Variants in CFAP47 observed in about 807,000 individuals in gnomAD.
CFAP47 encodes the protein cilia and flagella associated protein 47, also known as cilia- and flagella-associated protein 47.
CFAP47 carries 29 observed loss-of-function variants against 148.1 expected under a neutral mutation model. That is an observed-to-expected ratio of 0.20 (90% CI 0.15 to 0.27). The LOEUF is 0.27. CFAP47 is among the 10% of genes least tolerant of loss of function. The pLI is 1.00. For missense variants in CFAP47, 1,872 were observed against 1,697.5 expected (o/e 1.10, Z -1.81); for synonymous variants, 664 against 577.3 (o/e 1.15, Z -2.15).
chrX:36,138,946 G>C (rs1375490295), intron 35 of CFAP47, among the ~76,000 whole-genome samples: 1 of 111,051 alleles, frequency 9.0e-6, no homozygotes, highest in Non-Finnish European at 1.9e-5. Context: ...TTCACATCAA[G>C]ACCTCAATAG....
At chrX:36,337,475 A>C (rs1301808862) in intron 57 of CFAP47, among the ~76,000 whole-genome samples, 1 of 111,689 alleles carries the variant, frequency 9.0e-6, no homozygotes, top group African/African-American at 3.3e-5. Flanking sequence ...AGGTAGAGAA[A>C]TAGGTAAAAT....
chrX:36,349,182 C>A (rs1378461965), intron 58 of CFAP47, among the ~76,000 whole-genome samples: 3 of 111,893 alleles, frequency 2.7e-5, no homozygotes, highest in Admixed American at 1.9e-4. Flanking sequence ...GCCCCATGCT[C>A]AACCTGTCTT....
intron 33 of CFAP47, among the ~76,000 whole-genome samples, chrX:36,108,721 C>T (rs1169535257): frequency 1.8e-5 from 2 of 110,690 alleles, no homozygotes; most frequent in African/African-American, 6.6e-5. Context: ...ACCTTATAAC[C>T]ATAACTCTTT....
At chrX:36,183,074 C>A (rs1939768509) in intron 40 of CFAP47, among the ~76,000 whole-genome samples, 1 of 112,492 alleles carries the variant, frequency 8.9e-6, no homozygotes, top group Non-Finnish European at 1.9e-5. Context: ...CTTTGGGAGG[C>A]TGAGGTGGAC....
At chrX:36,202,272 T>C (rs938541639) in intron 44 of CFAP47, among the ~76,000 whole-genome samples, 4 of 111,535 alleles carry the variant, frequency 3.6e-5, no homozygotes, top group Non-Finnish European at 5.6e-5. Context: ...GCGATTGTTG[T>C]AAACGCAAGC....
intron 21 of CFAP47, among the ~76,000 whole-genome samples, chrX:36,004,014 C>T (rs763525329): frequency 2.0e-5 from 2 of 98,436 alleles, no homozygotes; most frequent in South Asian, 1.0e-3. Context: ...ACTCTGTCAC[C>T]CAGGTTGGAG....
At chrX:36,243,338 A>T (rs1203416128) in intron 48 of CFAP47, among the ~76,000 whole-genome samples, 2 of 109,801 alleles carry the variant, frequency 1.8e-5, no homozygotes, top group African/African-American at 6.6e-5. Context: ...ATCAGTACTG[A>T]CCCTAAATGT....
chrX:36,278,482 C>T (rs1941042198), intron 49 of CFAP47, among the ~76,000 whole-genome samples: 1 of 112,499 alleles, frequency 8.9e-6, no homozygotes, highest in Non-Finnish European at 1.9e-5. Flanking sequence ...CCCATTTTTC[C>T]AGGTACAGTC....
At chrX:35,968,039 A>C (rs1936435794) in intron 10 of CFAP47, among the ~76,000 whole-genome samples, 1 of 110,025 alleles carries the variant, frequency 9.1e-6, no homozygotes, top group Non-Finnish European at 1.9e-5. Flanking sequence ...TTCGGTTAGA[A>C]CCTCTTTTCA....
chrX:35,975,617 T>G, intron 14 of CFAP47, 55 bp from the exon 15 acceptor site: 4 of 1,163,682 alleles, frequency 3.4e-6, no homozygotes, highest in Non-Finnish European at 4.7e-6. Flanking sequence ...AGCTGAATTC[T>G]ATAATCACAA....
chrX:36,341,426 T>TA (rs1941652478), intron 57 of CFAP47, among the ~76,000 whole-genome samples: 1 of 111,247 alleles, frequency 9.0e-6, no homozygotes, highest in African/African-American at 3.3e-5. Flanking sequence ...CACAGTTTAT[T>TA]AAAAAACGGG....
In CFAP47 at chrX:36,235,950, A is replaced by T; in HGVS notation, c.7031A>T (p.Asp2344Val). The T allele has an allele frequency of 2.0e-6, 1 of 498,007 alleles. No homozygotes were observed. The highest frequency in any genetic ancestry group is 3.6e-6 in the Non-Finnish European group (1 of 276,149). 41.0% of individuals were successfully genotyped at this position (498,007 alleles called of 1,213,427 possible). A position where few individuals can be genotyped will look rare whatever the true frequency, so the allele number is the denominator to read the frequency against. ...ATGCTTTAGAAAAATCAAACAAACG[A>T]TAAATGGACCTTTCAAGTTACTATA... ...QNIPIKNQTN[D>V]KWTFQVTIEG... The change falls in exon 47 of 64, where the codon GAT (aspartate) becomes GTT (valine). Residue 2344 changes from aspartate to valine, a missense_variant. Transcript: ENST00000378653.
In CFAP47 at chrX:36,063,828, T is replaced by C. The variant is rs188001831; in HGVS notation, c.4218-1815T>C. 2.9e-4 allele frequency among the ~76,000 whole-genome samples: 32 copies of C among 111,896 alleles called. 1 individual carries two copies. The highest frequency in any genetic ancestry group is 1.3e-3 in the Admixed American group (14 of 10,523). ...GAGGGAATTGATCACTCCAAATAAA[T>C]GTGACATTTAAATCAAAATCTCAAC... On this transcript the variant is annotated intron_variant, in intron 26 of 63. Coordinates refer to ENST00000378653, the MANE Select transcript of CFAP47 (RefSeq NM_001304548.2).
chrX:36,039,953 C>A (rs1937383428), intron 25 of CFAP47, among the ~76,000 whole-genome samples: 1 of 111,857 alleles, frequency 8.9e-6, no homozygotes, highest in African/African-American at 3.2e-5. Context: ...CCTGAAAAGT[C>A]TATAAATATA....
intron 51 of CFAP47, among the ~76,000 whole-genome samples, chrX:36,296,130 G>T (rs1002672019): frequency 9.0e-6 from 1 of 111,505 alleles, no homozygotes; most frequent in Non-Finnish European, 1.9e-5. Context: ...AATAGTATTT[G>T]CCATGGATAT....
intron 40 of CFAP47, among the ~76,000 whole-genome samples, chrX:36,186,416 C>T (rs1221692457): frequency 9.0e-6 from 1 of 111,699 alleles, no homozygotes; most frequent in East Asian, 2.8e-4. Context: ...TAGATATCCA[C>T]TGGGCCTTTT....
rs73472871 is a variant in CFAP47 at position 36,190,148 on chromosome X, C to T, written c.6273C>T (p.Pro2091=). ...CAAGCCTAGAGCTCCGCTTTCTTCC[C>T]TTTAACATGCACGTGCGCTACTGTG... ...GTSSLELRFL[P]FNMHVRYCVI... Residue 2091 remains proline, a synonymous_variant, in exon 42 of 64, where the codon CCC becomes CCT. Transcript: ENST00000378653. The T allele has an allele frequency of 0.029, 8,619 of 296,472 alleles. 673 individuals carry two copies. Among genetic ancestry groups the T allele is most frequent in the African/African-American group, 0.21 (7,719 of 36,480 alleles). The allele number at this position is 296,472 out of a possible 1,213,427, so 24.4% of individuals were successfully genotyped here.
At position 36,200,505 on chromosome X, in the gene CFAP47, ATG is replaced by A. The variant is rs1939968511; in HGVS notation, c.6436+16_6436+17del. 1 of 294,029 alleles carries A rather than the reference ATG, an allele frequency of 3.4e-6. No homozygotes were observed. Among genetic ancestry groups the A allele is most frequent in the Non-Finnish European group, 5.9e-6 (1 of 168,807 alleles). 24.2% of individuals were successfully genotyped at this position (294,029 alleles called of 1,213,427 possible). A position where few individuals can be genotyped will look rare whatever the true frequency, so the allele number is the denominator to read the frequency against. The stretch of plus-strand genomic sequence containing the variant: ...TACTCGAGAAGAAGGTAGAGTACAC[ATG>A]TGTTTTATTTCATTTATAATGTTGA... On this transcript the variant is annotated intron_variant, in intron 43 of 63. Transcript: ENST00000378653.
intron 39 of CFAP47, among the ~76,000 whole-genome samples, chrX:36,167,734 T>G (rs1475580327): frequency 8.9e-6 from 1 of 111,773 alleles, no homozygotes; most frequent in Non-Finnish European, 1.9e-5. Context: ...GAAACTAAGT[T>G]TCTTTTTTGT....
Sources: gnomAD v4.1 joint callset for allele counts (sites outside exome capture counted in the v4.1 genomes callset) on GRCh38, gnomAD v4.1.1 for gene constraint, MANE v1.5 for transcripts, NCBI Gene and HGNC (gene_info 2026-07-23, HGNC 2026-07-21) for gene names.